Variants in KHDC1 observed in about 807,000 individuals in gnomAD.
KHDC1 encodes KH domain containing 1.
KHDC1 carries 21 observed loss-of-function variants against 24.7 expected under a neutral mutation model. The ratio of observed to expected loss-of-function variants is 0.85; its 90% CI spans 0.60 to 1.23. The LOEUF (loss-of-function observed/expected upper bound fraction) is 1.23, where lower values mean the gene tolerates loss of function less well. Among genes scored for constraint, KHDC1 ranks in the 50% most tolerant of loss-of-function variants. The pLI, the probability that KHDC1 is intolerant of heterozygous loss-of-function variation, is 0.00. For synonymous variants in KHDC1, 98 were observed against 111.7 expected, an observed-to-expected ratio of 0.88 and a Z score of 0.77; for missense variants, 274 against 298.5, an observed-to-expected ratio of 0.92 and a Z score of 0.61.
rs551169233 is a variant in KHDC1, at chr6:73,272,528, C to T, written c.206+19470G>A. Among the ~76,000 whole-genome samples the T allele has an allele frequency of 2.6e-5, 4 of 152,084 alleles. No individual in the cohort carries two copies. The East Asian group carries it at 7.9e-4, about 30-fold the overall frequency. ...TGGTGGCTCACACCCGTAATCCCAG[C>T]GCTTTGGGAGGCTGAGGTGGGCATA... is the stretch of plus-strand genomic sequence containing the variant. On this transcript the variant is annotated intron_variant, in intron 2 of 4. Coordinates refer to ENST00000370384, the Ensembl canonical transcript of KHDC1.
chr6:73,258,273 A>G (rs1400559348), intron 2 of KHDC1, among the ~76,000 whole-genome samples: 1 of 152,088 alleles, frequency 6.6e-6, no homozygotes, highest in Non-Finnish European at 1.5e-5. Context: ...TAAATAAGTA[A>G]GTAAGTAAGT....
chr6:73,252,585 G>T (rs1217814576), intron 2 of KHDC1, among the ~76,000 whole-genome samples: 1 of 151,906 alleles, frequency 6.6e-6, no homozygotes, highest in African/African-American at 2.4e-5. Context: ...CAAGGCAGGC[G>T]GATCACTTTG....
chr6:73,309,434 C>T (rs1259902697), intron 1 of KHDC1: 1 of 1,046,956 alleles, frequency 9.6e-7, no homozygotes, highest in Non-Finnish European at 1.3e-6. Context: ...GCAGAACTGT[C>T]CTAGGCCTTC....
At chr6:73,279,608 T>C in intron 2 of KHDC1, among the ~76,000 whole-genome samples, 1 of 135,412 alleles carries the variant, frequency 7.4e-6, no homozygotes, top group Admixed American at 8.2e-5. Context: ...TGAAGAGATG[T>C]GGTGTCGCTG....
At chr6:73,273,141 G>A (rs1443392226) in intron 2 of KHDC1, among the ~76,000 whole-genome samples, 1 of 150,328 alleles carries the variant, frequency 6.7e-6, no homozygotes. Flanking sequence ...TTACAGGCGT[G>A]AGCCACCGCG....
chr6:73,263,039 G>C (rs1767010727), intron 2 of KHDC1: 1 of 953,734 alleles, frequency 1.0e-6, no homozygotes, highest in East Asian at 1.3e-4. Context: ...TCCCTGAGTA[G>C]GGCGGCGGCG....
intron 2 of KHDC1, chr6:73,291,923 AATTT>A: frequency 6.6e-7 from 1 of 1,524,060 alleles, no homozygotes; most frequent in Non-Finnish European, 9.0e-7. Context: ...TATTTTTAAA[AATTT>A]AATTCTCTAG....
intron 2 of KHDC1, among the ~76,000 whole-genome samples, chr6:73,273,505 T>C (rs1273096825): frequency 5.3e-5 from 8 of 152,126 alleles, no homozygotes; most frequent in African/African-American, 1.9e-4. Flanking sequence ...TATTTATTCA[T>C]TTTAAAATAA....
At chr6:73,281,899 G>T (rs924555979) in intron 2 of KHDC1, among the ~76,000 whole-genome samples, 1 of 151,860 alleles carries the variant, frequency 6.6e-6, no homozygotes, top group Admixed American at 6.6e-5. Context: ...ACAGTTTTGA[G>T]GCATACTGGT....
intron 2 of KHDC1, among the ~76,000 whole-genome samples, chr6:73,248,939 G>A (rs1429878777): frequency 1.3e-4 from 12 of 95,614 alleles, no homozygotes; most frequent in African/African-American, 3.4e-4. Flanking sequence ...TTTATGTTGG[G>A]AGTCAAAAAA....
exon 1 of KHDC1, chr6:73,309,953 A>C: frequency 2.1e-6 from 1 of 485,516 alleles, no homozygotes; most frequent in South Asian, 2.7e-5. Flanking sequence ...GGCTGGCAAG[A>C]CGTCCCAGGG....
At chr6:73,260,617 A>G (rs1562248838) in intron 2 of KHDC1, among the ~76,000 whole-genome samples, 1 of 152,238 alleles carries the variant, frequency 6.6e-6, no homozygotes, top group Non-Finnish European at 1.5e-5. Context: ...TACTTCAAAG[A>G]TTAATTTTAA....
chr6:73,290,094 G>A (rs7758996), intron 2 of KHDC1, among the ~76,000 whole-genome samples: 1,919 of 104,698 alleles, frequency 0.018, 42 homozygotes, highest in African/African-American at 0.045. Flanking sequence ...GCAACAGAGC[G>A]AGACTCCGTC....
At chr6:73,262,938 T>C in intron 2 of KHDC1, 1 of 989,086 alleles carries the variant, frequency 1.0e-6, no homozygotes, top group Non-Finnish European at 1.2e-6. Context: ...ACTAACCGAG[T>C]TCGAGACCAC....
intron 2 of KHDC1, among the ~76,000 whole-genome samples, chr6:73,273,495 T>TATTTA (rs1229128032): frequency 3.9e-5 from 6 of 152,196 alleles, no homozygotes; most frequent in African/African-American, 7.2e-5. Flanking sequence ...AATGTTATTT[T>TATTTA]ATTTATTCAT....
chr6:73,261,695 T>C (rs1766983382), intron 2 of KHDC1, among the ~76,000 whole-genome samples: 1 of 151,470 alleles, frequency 6.6e-6, no homozygotes, highest in South Asian at 2.1e-4. Context: ...GGGTGGATCA[T>C]GAGGTCAGGA....
At chr6:73,288,198 A>C (rs879016294) in intron 2 of KHDC1, among the ~76,000 whole-genome samples, 4 of 152,244 alleles carry the variant, frequency 2.6e-5, no homozygotes, top group African/African-American at 9.6e-5. Flanking sequence ...GGTGGCACTA[A>C]TTGCAGTTGC....
intron 2 of KHDC1, among the ~76,000 whole-genome samples, chr6:73,278,009 GTTTTTTTTT>G (rs70994182): frequency 9.4e-6 from 1 of 106,334 alleles, no homozygotes; most frequent in Non-Finnish European, 1.8e-5. Flanking sequence ...TCTCTCGGGT[GTTTTTTTTT>G]TTTTTTTTTT....
Position 73,242,387 on chromosome 6 carries a change from G to C in KHDC1, c.331+19C>G. On this transcript the variant is annotated intron_variant, in intron 3 of 4. Coordinates refer to ENST00000370384, the Ensembl canonical transcript of KHDC1. ...AGAAGACAAGGATGAAGAAGGGGAC[G>C]TGGGCAAAGGCCACTCACCGAAGAT... The C allele has an allele frequency of 6.2e-7, 1 of 1,614,048 alleles. No individual in the cohort carries two copies.
Sources: gnomAD v4.1 joint callset for allele counts (sites outside exome capture counted in the v4.1 genomes callset) on GRCh38, gnomAD v4.1.1 for gene constraint, MANE v1.5 for transcripts, NCBI Gene and HGNC (gene_info 2026-07-23, HGNC 2026-07-21) for gene names.